PRKN: variants seen among roughly 807,000 people sequenced by gnomAD.
PRKN encodes parkin RBR E3 ubiquitin protein ligase, also known as E3 ubiquitin-protein ligase parkin.
In PRKN, 56 loss-of-function variants were observed where a neutral mutation model predicts 59.5. The ratio of observed to expected loss-of-function variants is 0.94; its 90% CI spans 0.76 to 1.18. The LOEUF (loss-of-function observed/expected upper bound fraction) is 1.18. Among genes scored for constraint, PRKN ranks in the 50% most tolerant of loss-of-function variants. PRKN has a pLI of 0.00. For missense variants in PRKN, 657 were observed against 596.4 expected (o/e 1.10, Z -1.06); for synonymous variants, 250 against 222.1 (o/e 1.13, Z -1.12).
At chr6:162,175,582 G>C (rs773756919) in intron 4 of PRKN, among the ~76,000 whole-genome samples, 1 of 152,146 alleles carries the variant, frequency 6.6e-6, no homozygotes, top group Non-Finnish European at 1.5e-5. Flanking sequence ...AAGCTGTACT[G>C]GTGGATTTCT....
chr6:161,612,718 C>CAAAAAAA (rs57084261), intron 7 of PRKN, among the ~76,000 whole-genome samples: 4 of 59,616 alleles, frequency 6.7e-5, no homozygotes, highest in African/African-American at 6.7e-5. Flanking sequence ...GACTCCATCT[C>CAAAAAAA]AAAAAAAAAA....
intron 8 of PRKN, among the ~76,000 whole-genome samples, chr6:161,568,314 C>T (rs1057005977): frequency 1.3e-5 from 2 of 152,344 alleles, no homozygotes; most frequent in African/African-American, 4.8e-5. Context: ...TAACACTGGG[C>T]TGGGCGTGAT....
rs1462282205 is a variant in PRKN, at chr6:161,371,083, A to C, written c.1168-10878T>G. Among the ~76,000 whole-genome samples, 1 of 152,218 alleles carries C rather than the reference A, an allele frequency of 6.6e-6. No homozygotes were observed. Among genetic ancestry groups the C allele is most frequent in the African/African-American group, 2.4e-5 (1 of 41,466 alleles). On this transcript the variant is annotated intron_variant, in intron 10 of 11. Coordinates refer to ENST00000366898, the MANE Select transcript of PRKN (RefSeq NM_004562.3). The surrounding 1 kb of genome is among the most constrained non-coding windows in gnomAD (Gnocchi z 5.5). ...TACTGCTTGGCAACGGGTGTCACCA[A>C]AACATGTTTTGTTGTTCTCACATTG...
intron 1 of PRKN, among the ~76,000 whole-genome samples, chr6:162,709,140 GC>G (rs1196698702): frequency 6.6e-6 from 1 of 151,938 alleles, no homozygotes; most frequent in Non-Finnish European, 1.5e-5. Flanking sequence ...AAACTCAGGG[GC>G]CCCACTGATT....
chr6:161,606,943 C>T (rs1215189100), intron 7 of PRKN, among the ~76,000 whole-genome samples: 2 of 152,168 alleles, frequency 1.3e-5, no homozygotes, highest in Non-Finnish European at 2.9e-5. Context: ...GCTCAGGCCA[C>T]CTGGCACAGC....
intron 1 of PRKN, among the ~76,000 whole-genome samples, chr6:162,585,120 T>G (rs1022904907): frequency 6.6e-6 from 1 of 151,192 alleles, no homozygotes; most frequent in Non-Finnish European, 1.5e-5. Flanking sequence ...AGGCTGGTCT[T>G]GAACTCCTGA....
intron 2 of PRKN, among the ~76,000 whole-genome samples, chr6:162,294,471 T>C (rs1781574628): frequency 6.6e-6 from 1 of 152,174 alleles, no homozygotes; most frequent in African/African-American, 2.4e-5. Flanking sequence ...GTGGAATTGA[T>C]TAATAACTTG....
chr6:161,668,667 T>C (rs10945768), intron 7 of PRKN, among the ~76,000 whole-genome samples: 76,465 of 152,052 alleles, frequency 0.5, 19,834 homozygotes, highest in Non-Finnish European at 0.56. Flanking sequence ...CTGGGATGGT[T>C]TCTTTTATAA....
At chr6:161,966,722 C>T (rs1583415790) in intron 6 of PRKN, among the ~76,000 whole-genome samples, 1 of 152,332 alleles carries the variant, frequency 6.6e-6, no homozygotes, top group African/African-American at 2.4e-5. Flanking sequence ...GAGAGGAGAA[C>T]ACAAGGCTTG....
intron 4 of PRKN, among the ~76,000 whole-genome samples, chr6:162,127,935 T>G (rs536818741): frequency 6.6e-6 from 1 of 152,306 alleles, no homozygotes; most frequent in Admixed American, 6.5e-5. Flanking sequence ...TCCTCACCTC[T>G]TCACACTATT....
rs2115419434 is a variant in PRKN at position 161,545,706 on chromosome 6, T to G, written c.1083+3148A>C. Among the ~76,000 whole-genome samples the G allele has an allele frequency of 6.6e-6, 1 of 152,332 alleles. No individual in the cohort carries two copies. The highest frequency in any genetic ancestry group is 2.4e-5 in the African/African-American group (1 of 41,580). ...AAATCCACTGTGTTTATGACCTCTATATATGCTATAGGGAGCCCACAGATG... is the reference window on the plus strand; with the variant it reads ...AAATCCACTGTGTTTATGACCTCTAGATATGCTATAGGGAGCCCACAGATG... On this transcript the variant is annotated intron_variant, in intron 9 of 11. Coordinates refer to ENST00000366898, the MANE Select transcript of PRKN (RefSeq NM_004562.3). This position sits in a 1 kb window ranked among gnomAD's most constrained non-coding sequence, Gnocchi z 4.1.
chr6:161,402,251 C>T lies in PRKN; in HGVS notation c.1084-15374G>A, dbSNP rs1470657275. 6.6e-6 allele frequency among the ~76,000 whole-genome samples: 1 copy of T among 152,170 alleles called. No homozygotes were observed. Among genetic ancestry groups the T allele is most frequent in the East Asian group, 1.9e-4 (1 of 5,198 alleles). ...TGCTATCTCCCAGCAACATGCACAC[C>T]TTGCAGTGTCTTATGAAATTATAAA... is the stretch of plus-strand genomic sequence containing the variant. On this transcript the variant is annotated intron_variant, in intron 9 of 11. Transcript: ENST00000366898. This position sits in a 1 kb window ranked among gnomAD's most constrained non-coding sequence, Gnocchi z 4.5.
intron 2 of PRKN, among the ~76,000 whole-genome samples, chr6:162,439,443 C>CT (rs1789946378): frequency 6.6e-6 from 1 of 151,262 alleles, no homozygotes. Context: ...TGGTTGCCAG[C>CT]TTCTTCAGTT....
In PRKN at chr6:161,413,321, G is replaced by C. The variant is rs562265366; in HGVS notation, c.1084-26444C>G. Reference sequence around the variant, plus strand: ...ACTGCCAGGGTCCTGTCCTCCCTCCGCTTTCCCTTCACTTCCTGAGTCTCT... The same window carrying C: ...ACTGCCAGGGTCCTGTCCTCCCTCCCCTTTCCCTTCACTTCCTGAGTCTCT... On this transcript the variant is annotated intron_variant, in intron 9 of 11. Transcript: ENST00000366898. The surrounding 1 kb of genome is among the most constrained non-coding windows in gnomAD (Gnocchi z 4.4). 6.6e-6 allele frequency among the ~76,000 whole-genome samples: 1 copy of C among 151,994 alleles called. No homozygotes were observed. Among genetic ancestry groups the C allele is most frequent in the African/African-American group, 2.4e-5 (1 of 41,348 alleles).
At chr6:162,101,624 A>G (rs945031523) in intron 4 of PRKN, among the ~76,000 whole-genome samples, 3 of 151,930 alleles carry the variant, frequency 2.0e-5, no homozygotes, top group Non-Finnish European at 4.4e-5. Flanking sequence ...GTGAGCCGAG[A>G]TCGTGCCACT....
chr6:161,731,530 G>A (rs1039192993), intron 7 of PRKN, among the ~76,000 whole-genome samples: 1 of 152,090 alleles, frequency 6.6e-6, no homozygotes, highest in East Asian at 1.9e-4. Context: ...ATTTTGAGTA[G>A]GTATTTCCTT....
chr6:161,496,570 A>G (rs1777756487), intron 9 of PRKN, among the ~76,000 whole-genome samples: 1 of 152,238 alleles, frequency 6.6e-6, no homozygotes, highest in Non-Finnish European at 1.5e-5. Flanking sequence ...AAACCATCAG[A>G]TCTTGTGAGA....
At chr6:161,815,075 A>C (rs1791717623) in intron 6 of PRKN, among the ~76,000 whole-genome samples, 1 of 152,226 alleles carries the variant, frequency 6.6e-6, no homozygotes, top group Non-Finnish European at 1.5e-5. Flanking sequence ...CAGGGAACTA[A>C]GTCTAGGGAA....
intron 1 of PRKN, among the ~76,000 whole-genome samples, chr6:162,721,027 T>G (rs1778923200): frequency 6.6e-6 from 1 of 152,234 alleles, no homozygotes; most frequent in Non-Finnish European, 1.5e-5. Flanking sequence ...AAATAAGAAC[T>G]TTTTAAAAAG....
Sources: gnomAD v4.1 joint callset for allele counts (sites outside exome capture counted in the v4.1 genomes callset) on GRCh38, gnomAD v4.1.1 for gene constraint, Gnocchi (gnomAD v3.1) non-coding constraint, MANE v1.5 for transcripts, NCBI Gene and HGNC (gene_info 2026-07-23, HGNC 2026-07-21) for gene names.